WNK1: variants seen among roughly 807,000 people sequenced by gnomAD.
WNK1 encodes WNK lysine deficient protein kinase 1, also known as serine/threonine-protein kinase WNK1.
A neutral mutation model predicts 222.8 loss-of-function variants in WNK1; 38 were observed. The ratio of observed to expected loss-of-function variants is 0.17; its 90% confidence interval spans 0.13 to 0.22. The LOEUF (loss-of-function observed/expected upper bound fraction) is 0.22, where lower values mean the gene tolerates loss of function less well. Among genes scored for constraint, WNK1 ranks in the 10% least tolerant of loss-of-function variants. The pLI, the probability that WNK1 is intolerant of heterozygous loss-of-function variation, is 1.00. For missense variants in WNK1, 2,348 were observed against 2,918.4 expected (o/e 0.80, Z 4.50); for synonymous variants, 1,090 against 1,092.9 (o/e 1.00, Z 0.05).
In WNK1 at chr12:879,986, A is replaced by G. The variant is rs1953003871; in HGVS notation, c.2787A>G (p.Gly929=). Residue 929 remains glycine, a synonymous_variant, in exon 11 of 28, where the codon GGA becomes GGG. Coordinates refer to ENST00000315939, the MANE Select transcript of WNK1 (RefSeq NM_018979.4). The stretch of plus-strand genomic sequence containing the variant: ...CCATGGGAATACCAGCTAACCTTGG[A>G]CAAGCTGCTGAGGTTCCACTTTCCT... ...VQSMGIPANL[G]QAAEVPLSSG... 7 of 1,614,168 alleles carry G rather than the reference A, an allele frequency of 4.3e-6. No individual in the cohort carries two copies. In the East Asian group the frequency reaches 1.6e-4, roughly 36 times the overall value.
At chr12:900,171 A>G (rs1683763126) in intron 25 of WNK1, among the ~76,000 whole-genome samples, 1 of 151,954 alleles carries the variant, frequency 6.6e-6, no homozygotes, top group South Asian at 2.1e-4. Context: ...TTTTTAGTAG[A>G]GACAGGGTTT....
rs1331169774 is a variant in WNK1, at chr12:910,588, CAA to C, written c.*1798_*1799del. ...TTAGGATCTTTGTTATCTCTGAAGACAAAGAAAGAAGCTAGGACTCTTAATTT... is the reference window on the plus strand; with the variant it reads ...TTAGGATCTTTGTTATCTCTGAAGACAGAAAGAAGCTAGGACTCTTAATTT... On this transcript the variant is annotated 3_prime_UTR_variant, in exon 28 of 28. Transcript: ENST00000315939. 1 of 152,142 alleles carries C rather than the reference CAA, an allele frequency of 6.6e-6. No homozygotes were observed. Among genetic ancestry groups the C allele is most frequent in the African/African-American group, 2.4e-5 (1 of 41,420 alleles). The allele number at this position is 152,142 out of a possible 1,614,324, so 9.4% of individuals were successfully genotyped here. A position where few individuals can be genotyped will look rare whatever the true frequency, so the allele number is the denominator to read the frequency against.
At chr12:831,225 T>C (rs1000544564) in intron 4 of WNK1, among the ~76,000 whole-genome samples, 2 of 152,148 alleles carry the variant, frequency 1.3e-5, no homozygotes, top group African/African-American at 4.8e-5. Context: ...GCAGAGTACA[T>C]ACAGAAGCAT....
At chr12:904,466 A>G in intron 26 of WNK1, 1 of 1,289,166 alleles carries the variant, frequency 7.8e-7, no homozygotes. Flanking sequence ...AGATGGTGAA[A>G]AAAGTCTGTC....
Position 882,083 on chromosome 12 carries a change from C to T in WNK1, c.3372+10C>T. Reference sequence around the variant, plus strand: ...ATTAAGAATTTTGAATGTAAGTATTCCTAATTTGTGAGTTTCATGTTGTTA... The same window carrying T: ...ATTAAGAATTTTGAATGTAAGTATTTCTAATTTGTGAGTTTCATGTTGTTA... On this transcript the variant is annotated intron_variant, in intron 14 of 27. Coordinates refer to ENST00000315939, the MANE Select transcript of WNK1 (RefSeq NM_018979.4). The T allele has an allele frequency of 6.2e-7, 1 of 1,602,748 alleles. No individual in the cohort carries two copies. Among genetic ancestry groups the T allele is most frequent in the Non-Finnish European group, 8.5e-7 (1 of 1,173,776 alleles).
At chr12:853,199 ACT>A (rs1479259617) in intron 4 of WNK1, among the ~76,000 whole-genome samples, 1 of 152,058 alleles carries the variant, frequency 6.6e-6, no homozygotes, top group Non-Finnish European at 1.5e-5. Context: ...TCTATACAAA[ACT>A]CTTGGCTGTA....
chr12:847,801 C>CTTTTTTTTTTTTTTTTTTTTTTTTTTT (rs898832948), intron 4 of WNK1, among the ~76,000 whole-genome samples: 2 of 68,642 alleles, frequency 2.9e-5, no homozygotes, highest in African/African-American at 5.8e-5. Flanking sequence ...GATTAATTCT[C>CTTTTTTTTTTTTTTTTTTTTTTTTTTT]TTTTTTTTTT....
intron 4 of WNK1, among the ~76,000 whole-genome samples, chr12:854,581 C>T (rs1435238102): frequency 6.6e-6 from 1 of 151,994 alleles, no homozygotes; most frequent in African/African-American, 2.4e-5. Context: ...CTCCTGACCT[C>T]AGGTGATCCA....
chr12:879,494 CTTGCTTTTGGCAGCCTTGCTT>C, intron 10 of WNK1, 58 bp from the exon 11 acceptor site: 1 of 750,922 alleles, frequency 1.3e-6, no homozygotes, highest in South Asian at 2.2e-5. Flanking sequence ...ATACATAAAT[CTTGCTTTTGGCAGCCTTGCTT>C]TTTTTTTTTT....
chr12:860,993 T>G lies in WNK1; in HGVS notation c.1621-20T>G. ...TTTCTTTCAATATACTACTGCTTAA[T>G]TTACCCTTTTATTCTGTAGGTAGAG... On this transcript the variant is annotated intron_variant, in intron 6 of 27. Transcript: ENST00000315939. 6.2e-7 allele frequency: 1 copy of G among 1,611,566 alleles called. No homozygotes were observed. Among genetic ancestry groups the G allele is most frequent in the Non-Finnish European group, 8.5e-7 (1 of 1,178,376 alleles).
intron 10 of WNK1, 56 bp from the exon 11 acceptor site, chr12:879,513 CTTTT>C (rs10717495): frequency 0.013 from 5,362 of 397,842 alleles, no homozygotes; most frequent in Middle Eastern, 0.018. Context: ...GGCAGCCTTG[CTTTT>C]TTTTTTTTTT....
rs144802131 is a variant in WNK1, at chr12:773,551, C to G, written c.759+19227C>G. On this transcript the variant is annotated intron_variant, in intron 1 of 27. Transcript: ENST00000315939. Reference sequence around the variant, plus strand: ...AAGGAAAAATAAAAACCAAAATAACCCCACTGAAGTTTCATCACTAAAAGA... The same window carrying G: ...AAGGAAAAATAAAAACCAAAATAACGCCACTGAAGTTTCATCACTAAAAGA... 4.7e-3 allele frequency among the ~76,000 whole-genome samples: 710 copies of G among 152,106 alleles called. 6 individuals carry two copies. Among genetic ancestry groups the G allele is most frequent in the African/African-American group, 0.016 (682 of 41,496 alleles).
Position 885,415 on chromosome 12 carries a change from A to C in WNK1, c.4611A>C (p.Thr1537=). ...TAGATAAGACATCTCATAGCAGTAC[A>C]ACTGGATTGGCTTTCTCCCTCTCTG... ...HSLDKTSHSS[T]TGLAFSLSAP... The change falls in exon 19 of 28, where the codon ACA becomes ACC. Residue 1537 remains threonine (T), a synonymous_variant. Transcript: ENST00000315939. The C allele has an allele frequency of 6.2e-7, 1 of 1,613,736 alleles. No homozygotes were observed. The highest frequency in any genetic ancestry group is 8.5e-7 in the Non-Finnish European group (1 of 1,180,020).
In WNK1 at chr12:754,648, T is replaced by G. The variant is rs72647380; in HGVS notation, c.759+324T>G. Reference sequence around the variant, plus strand: ...TGGGGAAGTTGAAAGTACAGATGCTTCTTCTTCTGTGCATTTCAATCTCAT... The same window carrying G: ...TGGGGAAGTTGAAAGTACAGATGCTGCTTCTTCTGTGCATTTCAATCTCAT... On this transcript the variant is annotated intron_variant, in intron 1 of 27. Transcript: ENST00000315939. Among the ~76,000 whole-genome samples the G allele has an allele frequency of 1.1e-3, 171 of 152,160 alleles. No homozygotes were observed. In the East Asian group the frequency reaches 0.016, roughly 14 times the overall value.
chr12:908,851 G>GTTTTGGTTT lies in WNK1; in HGVS notation c.*60_*61insTTTGGTTTT. 1 of 1,299,804 alleles carries GTTTTGGTTT rather than the reference G, an allele frequency of 7.7e-7. No homozygotes were observed. Among genetic ancestry groups the GTTTTGGTTT allele is most frequent in the Non-Finnish European group, 1.1e-6 (1 of 903,984 alleles). 80.5% of individuals were successfully genotyped at this position (1,299,804 alleles called of 1,614,324 possible). A position where few individuals can be genotyped will look rare whatever the true frequency, so the allele number is the denominator to read the frequency against. On this transcript the variant is annotated 3_prime_UTR_variant, in exon 28 of 28. Transcript: ENST00000315939. ...AGGAGATGGAATGCTGAGGGGGTGGGTGGGGGTGGGAAGTAGCCTATATAC... is the reference window on the plus strand; with the variant it reads ...AGGAGATGGAATGCTGAGGGGGTGGGTTTTGGTTTTGGGGGTGGGAAGTAGCCTATATAC...
chr12:755,050 C>T (rs1184141490), intron 1 of WNK1, among the ~76,000 whole-genome samples: 1 of 152,158 alleles, frequency 6.6e-6, no homozygotes, highest in African/African-American at 2.4e-5. Flanking sequence ...TTAAGCTGAA[C>T]TTTCCCAAGA....
chr12:786,389 T>C (rs1944307028), intron 1 of WNK1, among the ~76,000 whole-genome samples: 2 of 152,192 alleles, frequency 1.3e-5, no homozygotes, highest in African/African-American at 4.8e-5. Context: ...TTTTCTCAAA[T>C]AATTCTCTTT....
At chr12:900,744 A>G (rs1235443665) in intron 26 of WNK1, 74 bp downstream of exon 26, 8 of 1,589,502 alleles carry the variant, frequency 5.0e-6, no homozygotes, top group Non-Finnish European at 6.9e-6. Context: ...AAGCCTGTTA[A>G]GGCGGGTTGG....
Position 753,731 on chromosome 12 carries a change from C to G in WNK1, c.166C>G (p.Arg56Gly), listed in dbSNP as rs1174073920. Reference sequence around the variant, plus strand: ...GACCGGCAGGACCGAGGAGTACAGGCGCCGCCGCCACACTATGGACAAGGA... The same window carrying G: ...GACCGGCAGGACCGAGGAGTACAGGGGCCGCCGCCACACTATGGACAAGGA... Reference protein sequence around the residue: ...AVTGRTEEYRRRRHTMDKDSR... With the variant: ...AVTGRTEEYRGRRHTMDKDSR... The change falls in exon 1 of 28, where the codon CGC becomes GGC. Residue 56 changes from arginine to glycine, a missense_variant. By Grantham distance (125) the Arg-to-Gly change is moderately radical. This residue lies in a region of WNK1 where 108 missense variants were observed against 109.7 expected (regional missense o/e 0.98). Coordinates refer to ENST00000315939, the MANE Select transcript of WNK1 (RefSeq NM_018979.4). This position sits in a 1 kb window ranked among gnomAD's most constrained non-coding sequence, Gnocchi z 5.2. 6.2e-7 allele frequency: 1 copy of G among 1,612,064 alleles called. No individual in the cohort carries two copies. The highest frequency in any genetic ancestry group is 8.5e-7 in the Non-Finnish European group (1 of 1,179,812).
Sources: gnomAD v4.1 joint callset for allele counts (sites outside exome capture counted in the v4.1 genomes callset) on GRCh38, gnomAD v4.1.1 for gene constraint, gnomAD v4.1.1 regional missense constraint, Gnocchi (gnomAD v3.1) non-coding constraint, MANE v1.5 for transcripts, NCBI Gene and HGNC (gene_info 2026-07-23, HGNC 2026-07-21) for gene names.